The following NRP1 variants were observed in gnomAD, a reference collection of about 807,000 sequenced individuals.
NRP1 encodes neuropilin 1.
Under a neutral mutation model 106.7 loss-of-function variants are expected in NRP1, and 35 were observed. The observed-to-expected ratio is 0.33, with a 90% confidence interval of 0.25 to 0.43. The LOEUF is 0.43. NRP1 is among the 20% of genes least tolerant of loss of function. NRP1 has a pLI of 1.00. For synonymous variants in NRP1, 437 were observed against 417.9 expected, an observed-to-expected ratio of 1.05 and a Z score of -0.56; for missense variants, 1,024 against 1,170.4, an observed-to-expected ratio of 0.87 and a Z score of 1.83.
At chr10:33,298,914 C>G (rs999704640) in intron 2 of NRP1, among the ~76,000 whole-genome samples, 21 of 152,262 alleles carry the variant, frequency 1.4e-4, no homozygotes, top group African/African-American at 5.1e-4. Context: ...TCAAAATACT[C>G]TCACCACCAC....
Position 33,334,589 on chromosome 10 carries a change from T to C in NRP1, c.-207A>G. The C allele has an allele frequency of 2.5e-6, 1 of 397,032 alleles. No individual in the cohort carries two copies. The highest frequency in any genetic ancestry group is 4.5e-6 in the Non-Finnish European group (1 of 224,576). The allele number at this position is 397,032 out of a possible 1,614,324, so 24.6% of individuals were successfully genotyped here. On this transcript the variant is annotated 5_prime_UTR_variant, in exon 1 of 17. The change abolishes an upstream ATG in the 5' untranslated region. Transcript: ENST00000374867. ...CTTTTTGTGTCTCAAGTCGCCTGCA[T>C]CCTGTCATTTAGCTCCGGCTTCCTC...
intron 13 of NRP1, among the ~76,000 whole-genome samples, chr10:33,190,958 A>G (rs1379584054): frequency 6.6e-6 from 1 of 152,022 alleles, no homozygotes; most frequent in African/African-American, 2.4e-5. Flanking sequence ...GGCTCAAAGG[A>G]TCCTAAAACA....
At chr10:33,191,608 C>T (rs539089900) in intron 13 of NRP1, among the ~76,000 whole-genome samples, 1 of 152,252 alleles carries the variant, frequency 6.6e-6, no homozygotes, top group Non-Finnish European at 1.5e-5. Context: ...GGGTCGTGCA[C>T]ATAGAGAATT....
intron 5 of NRP1, among the ~76,000 whole-genome samples, chr10:33,255,485 C>T (rs943632133): frequency 3.3e-5 from 5 of 152,140 alleles, no homozygotes; most frequent in African/African-American, 1.2e-4. Context: ...GACTGGGTCT[C>T]ACTCTGTCAA....
At chr10:33,259,632 A>G (rs1373538805) in intron 4 of NRP1, among the ~76,000 whole-genome samples, 1 of 152,212 alleles carries the variant, frequency 6.6e-6, no homozygotes, top group Non-Finnish European at 1.5e-5. Flanking sequence ...CAGGGAGAGG[A>G]GAGCTATAAT....
At chr10:33,294,537 G>A (rs1371861330) in intron 2 of NRP1, among the ~76,000 whole-genome samples, 1 of 149,586 alleles carries the variant, frequency 6.7e-6, no homozygotes. Context: ...AGAATCACTC[G>A]AACCCGGGAG....
chr10:33,286,961 G>A (rs1278746318), intron 2 of NRP1, among the ~76,000 whole-genome samples: 1 of 152,030 alleles, frequency 6.6e-6, no homozygotes, highest in Non-Finnish European at 1.5e-5. Context: ...CCCCTTCCCA[G>A]ACATAGGCAA....
chr10:33,187,472 C>T (rs1166906668), intron 13 of NRP1, among the ~76,000 whole-genome samples: 6 of 152,148 alleles, frequency 3.9e-5, no homozygotes, highest in African/African-American at 1.4e-4. Context: ...GTGAGCCCTG[C>T]TTCTATTTGA....
At position 33,179,955 on chromosome 10, in the gene NRP1, A is replaced by T. The variant is rs1424564490; in HGVS notation, c.*121T>A. Reference sequence around the variant, plus strand: ...CATACTCATTGAAGCTCCTGAGAAAAGCCTGGCTCAGTGGTCATCAACACA... The same window carrying T: ...CATACTCATTGAAGCTCCTGAGAAATGCCTGGCTCAGTGGTCATCAACACA... On this transcript the variant is annotated 3_prime_UTR_variant, in exon 17 of 17. Coordinates refer to ENST00000374867, the MANE Select transcript of NRP1 (RefSeq NM_003873.7). 2.2e-5 allele frequency: 22 copies of T among 985,148 alleles called. No individual in the cohort carries two copies. Among genetic ancestry groups the T allele is most frequent in the Non-Finnish European group, 2.8e-5 (18 of 651,854 alleles). 61.0% of individuals were successfully genotyped at this position (985,148 alleles called of 1,614,324 possible).
At chr10:33,263,561 T>C (rs1842717739) in intron 4 of NRP1, 85 bp downstream of exon 4, 1 of 956,292 alleles carries the variant, frequency 1.0e-6, no homozygotes, top group Non-Finnish European at 1.6e-6. Context: ...TTTTTAATGA[T>C]TCATGTATCA....
At chr10:33,275,204 T>C (rs1303343256) in intron 2 of NRP1, among the ~76,000 whole-genome samples, 2 of 152,192 alleles carry the variant, frequency 1.3e-5, no homozygotes, top group Non-Finnish European at 2.9e-5. Context: ...AGCCTCTTAT[T>C]TAACAAAAGC....
intron 2 of NRP1, among the ~76,000 whole-genome samples, chr10:33,278,806 A>G (rs931328460): frequency 6.6e-6 from 1 of 152,182 alleles, no homozygotes; most frequent in Non-Finnish European, 1.5e-5. Flanking sequence ...TAAAAATGTA[A>G]CCTTTAAGCT....
chr10:33,179,209 A>G lies in NRP1; in HGVS notation c.*867T>C, dbSNP rs1344996644. The G allele has an allele frequency of 6.5e-6, 1 of 152,698 alleles. No individual in the cohort carries two copies. The highest frequency in any genetic ancestry group is 1.9e-4 in the East Asian group (1 of 5,204). The allele number at this position is 152,698 out of a possible 1,614,324, so 9.5% of individuals were successfully genotyped here. On this transcript the variant is annotated 3_prime_UTR_variant, in exon 17 of 17. Transcript: ENST00000374867. ...GGAGGGGCTGGCATCTCACACGAAA[A>G]TAAACTTTCTTCTTAGTCAGTGGGC...
At chr10:33,323,562 C>T (rs1847677779) in intron 2 of NRP1, among the ~76,000 whole-genome samples, 1 of 152,042 alleles carries the variant, frequency 6.6e-6, no homozygotes, top group Non-Finnish European at 1.5e-5. Flanking sequence ...ACTAACTGCC[C>T]TAGATACCAG....
At chr10:33,287,373 G>T (rs1844644293) in intron 2 of NRP1, among the ~76,000 whole-genome samples, 1 of 152,190 alleles carries the variant, frequency 6.6e-6, no homozygotes. Flanking sequence ...ACTAGCAGAA[G>T]CTCTGATTTC....
In NRP1 at chr10:33,334,328, C is replaced by A; in HGVS notation, c.55G>T (p.Ala19Ser). The A allele has an allele frequency of 6.5e-7, 1 of 1,543,860 alleles. No individual in the cohort carries two copies. Among genetic ancestry groups the A allele is most frequent in the Non-Finnish European group, 8.7e-7 (1 of 1,146,638 alleles). ...CAVLALVLAP[A>S]GAFRNDKCGD... The stretch of plus-strand genomic sequence containing the variant: ...CACTTACCGTTGCGAAAAGCGCCGG[C>A]CGGGGCGAGGACGAGGGCGAGCACG... The change falls in exon 1 of 17, where the codon GCC becomes TCC. Residue 19 changes from alanine to serine, a missense_variant. Physicochemically the swap from Ala to Ser is moderately conservative, Grantham distance 99. Coordinates refer to ENST00000374867, the MANE Select transcript of NRP1 (RefSeq NM_003873.7).
intron 2 of NRP1, among the ~76,000 whole-genome samples, chr10:33,314,260 A>T (rs952005755): frequency 1.3e-5 from 2 of 152,044 alleles, no homozygotes; most frequent in Non-Finnish European, 2.9e-5. Flanking sequence ...CTAATTTTTT[A>T]AAAGTTTTTA....
intron 2 of NRP1, among the ~76,000 whole-genome samples, chr10:33,317,848 G>T (rs1355675694): frequency 6.6e-6 from 1 of 152,218 alleles, no homozygotes; most frequent in African/African-American, 2.4e-5. Context: ...AGAACACTCA[G>T]AAATTCTTAT....
intron 6 of NRP1, among the ~76,000 whole-genome samples, chr10:33,230,270 T>C (rs1236359795): frequency 6.6e-6 from 1 of 152,212 alleles, no homozygotes; most frequent in Non-Finnish European, 1.5e-5. Flanking sequence ...TGCTGGTGTC[T>C]GTGTCAGGAG....
Sources: gnomAD v4.1 joint callset for allele counts (sites outside exome capture counted in the v4.1 genomes callset) on GRCh38, gnomAD v4.1.1 for gene constraint, MANE v1.5 for transcripts, NCBI Gene and HGNC (gene_info 2026-07-23, HGNC 2026-07-21) for gene names.